The following DIDO1 variants were observed in gnomAD, a reference collection of about 807,000 sequenced individuals.
DIDO1 encodes the protein death-inducer obliterator 1.
A neutral mutation model predicts 99.4 loss-of-function variants in DIDO1; 16 were observed. That is an observed-to-expected ratio of 0.16 (90% CI 0.11 to 0.24). The LOEUF (loss-of-function observed/expected upper bound fraction) is 0.24, where lower values mean the gene tolerates loss of function less well. DIDO1 is among the 10% of genes least tolerant of loss of function. The probability of loss-of-function intolerance (pLI) is 1.00; values close to 1 mark genes in which losing one functional copy is unlikely to be tolerated. For synonymous variants in DIDO1, 1,366 were observed against 1,239.1 expected (o/e 1.10, Z -2.15); for missense variants, 2,996 against 3,014.0 (o/e 0.99, Z 0.14).
At chr20:62,921,901 ATCCACAATATATATACACTATATATG>A (rs1568884910) in intron 1 of DIDO1, among the ~76,000 whole-genome samples, 8 of 149,666 alleles carry the variant, frequency 5.3e-5, no homozygotes, top group East Asian at 1.9e-4. Context: ...CTATATATAT[ATCCACAATATATATACACTATATATG>A]TCCAAAATAT....
At chr20:62,931,177 C>T (rs1201308126), upstream of DIDO1, among the ~76,000 whole-genome samples, 1 of 152,108 alleles carries the variant, frequency 6.6e-6, no homozygotes, top group Non-Finnish European at 1.5e-5. Context: ...CAGGGATCCA[C>T]TCGCCTCTGC....
chr20:62,905,215 G>A (rs1167509733), intron 6 of DIDO1: 25 of 1,173,296 alleles, frequency 2.1e-5, no homozygotes, highest in African/African-American at 1.4e-4. Context: ...CAAGGCACGC[G>A]TCCTGCGGTC....
chr20:62,903,350 G>A (rs186857614), intron 6 of DIDO1, among the ~76,000 whole-genome samples: 1 of 152,328 alleles, frequency 6.6e-6, no homozygotes, highest in East Asian at 1.9e-4. Context: ...GGTGCACTGT[G>A]GGGAGCAGCA....
At chr20:62,886,145 G>A (rs1288069913) in intron 15 of DIDO1, among the ~76,000 whole-genome samples, 1 of 152,240 alleles carries the variant, frequency 6.6e-6, no homozygotes, top group Non-Finnish European at 1.5e-5. Flanking sequence ...GCTACTGAGG[G>A]CCTCAGTTCA....
intron 15 of DIDO1, chr20:62,887,720 C>T (rs1399817608): frequency 1.0e-6 from 1 of 985,366 alleles, no homozygotes; most frequent in African/African-American, 1.7e-5. Context: ...GAGCTTTCAA[C>T]CTGACTCATC....
At chr20:62,898,711 A>G (rs1290322599) in intron 6 of DIDO1, among the ~76,000 whole-genome samples, 1 of 152,232 alleles carries the variant, frequency 6.6e-6, no homozygotes, top group Admixed American at 6.5e-5. Context: ...CCGCACCCCA[A>G]AACACTCATT....
intron 15 of DIDO1, among the ~76,000 whole-genome samples, chr20:62,886,873 GGAA>G (rs1263139064): frequency 6.6e-6 from 1 of 152,162 alleles, no homozygotes; most frequent in Non-Finnish European, 1.5e-5. Context: ...AATTAAGGTG[GGAA>G]GAAGTGACTT....
intron 1 of DIDO1, among the ~76,000 whole-genome samples, chr20:62,919,547 GA>G (rs961675959): frequency 4.3e-4 from 60 of 139,106 alleles, no homozygotes; most frequent in East Asian, 8.4e-4. Context: ...TCTCAAAGAA[GA>G]AAAAAAAAAA....
rs762964477 is a variant in DIDO1, at chr20:62,911,619, C to A, written c.-2-5G>T. The A allele has an allele frequency of 1.3e-5, 20 of 1,552,686 alleles. No individual in the cohort carries two copies. The highest frequency in any genetic ancestry group is 1.7e-5 in the Non-Finnish European group (19 of 1,147,790). ...GGTCGCCTTTGTCGTCCATACCTAG[C>A]GGTAAAGTGTAAGCACATAGTGACC... On this transcript the variant is annotated splice_polypyrimidine_tract_variant and splice_region_variant and intron_variant, in intron 2 of 15. Transcript: ENST00000395343. The surrounding 1 kb of genome is among the most constrained non-coding windows in gnomAD (Gnocchi z 7.0).
At chr20:62,890,911 G>A (rs1192516578) in intron 15 of DIDO1, 49 bp downstream of exon 15, 2 of 1,612,156 alleles carry the variant, frequency 1.2e-6, no homozygotes, top group Non-Finnish European at 1.7e-6. Context: ...TGGGAGGAGG[G>A]GTGCAGGTGC....
chr20:62,907,078 AC>A (rs2064823366), intron 5 of DIDO1, 68 bp downstream of exon 5: 1 of 1,548,820 alleles, frequency 6.5e-7, no homozygotes, highest in Non-Finnish European at 8.9e-7. Flanking sequence ...CTACAAACCA[AC>A]AGTTCTGCGA....
Position 62,881,748 on chromosome 20 carries a change from T to C in DIDO1, c.4208A>G (p.Glu1403Gly). ...TTCCACCTCGTGGCGCCGCCCTCGC[T>C]CCACAAGCTGAGTGTCGAAGGCCCT... ...PERAFDTQLV[E>G]RGRRHEVERA... Residue 1403 changes from glutamate (E) to glycine (G), a missense_variant, in exon 16 of 16, where the codon GAG becomes GGG. Glu to Gly is a moderately conservative substitution (Grantham distance 98). This residue lies in a region of DIDO1 where 1,562 missense variants were observed against 1,412.6 expected (regional missense o/e 1.11). Transcript: ENST00000395343. This position sits in a 1 kb window ranked among gnomAD's most constrained non-coding sequence, Gnocchi z 8.3. 6.2e-7 allele frequency: 1 copy of C among 1,613,138 alleles called. No homozygotes were observed. Among genetic ancestry groups the C allele is most frequent in the Non-Finnish European group, 8.5e-7 (1 of 1,180,012 alleles).
Position 62,911,236 on chromosome 20 carries a change from T to G in DIDO1, c.377A>C (p.Gln126Pro). The change falls in exon 3 of 16, where the codon CAG becomes CCG. Residue 126 changes from glutamine (Q) to proline (P), a missense_variant. Gln to Pro is a moderately conservative substitution (Grantham distance 76). Around this residue, in one of 5 missense-constraint regions of DIDO1, gnomAD observed 388 missense variants for 376.6 expected, o/e 1.03. Coordinates refer to ENST00000395343, the MANE Select transcript of DIDO1 (RefSeq NM_001193369.2). The surrounding 1 kb of genome is among the most constrained non-coding windows in gnomAD (Gnocchi z 7.0). ...TTCCTTCACAGCTGTGGAAGCAGACTGGGGGCCGCTTCTGGTCTCAGAAGC... is the reference window on the plus strand; with the variant it reads ...TTCCTTCACAGCTGTGGAAGCAGACGGGGGGCCGCTTCTGGTCTCAGAAGC... ...ESASETRSGP[Q>P]SASTAVKERP... 1 of 1,613,464 alleles carries G rather than the reference T, an allele frequency of 6.2e-7. No individual in the cohort carries two copies. The highest frequency in any genetic ancestry group is 8.5e-7 in the Non-Finnish European group (1 of 1,180,018).
intron 4 of DIDO1, among the ~76,000 whole-genome samples, chr20:62,907,790 G>C (rs1045775968): frequency 6.6e-6 from 1 of 152,204 alleles, no homozygotes; most frequent in East Asian, 1.9e-4. Flanking sequence ...AAAGGAACTG[G>C]GTCTTTCATG....
At chr20:62,905,718 G>A (rs1305381553) in intron 6 of DIDO1, 169 bp downstream of exon 6, 2 of 1,607,514 alleles carry the variant, frequency 1.2e-6, no homozygotes, top group Non-Finnish European at 1.7e-6. Context: ...TGGACACAGG[G>A]CAGCAGGAGG....
rs148959689 is a variant in DIDO1, at chr20:62,925,456, C to G, written c.-200+983G>C. Among the ~76,000 whole-genome samples, 121 of 152,308 alleles carry G rather than the reference C, an allele frequency of 7.9e-4. 1 individual carries two copies. Among genetic ancestry groups the G allele is most frequent in the African/African-American group, 2.8e-3 (117 of 41,540 alleles). On this transcript the variant is annotated intron_variant, in intron 1 of 15. Transcript: ENST00000395343. Reference sequence around the variant, plus strand: ...ATACCGAAAAGACGTTCCCATCTGCCTTTCCCTCCTCTAAGTCCCTGAGTA... The same window carrying G: ...ATACCGAAAAGACGTTCCCATCTGCGTTTCCCTCCTCTAAGTCCCTGAGTA...
Position 62,881,211 on chromosome 20 carries a change from G to T in DIDO1, c.4745C>A (p.Ser1582Ter). The change falls in exon 16 of 16, where the codon TCG becomes TAG. Residue 1582 changes from serine to a stop codon, truncating the protein, a stop_gained. Coordinates refer to ENST00000395343, the MANE Select transcript of DIDO1 (RefSeq NM_001193369.2). LOFTEE classifies it low-confidence loss of function (END_TRUNC). The surrounding 1 kb of genome is among the most constrained non-coding windows in gnomAD (Gnocchi z 8.3). ...CAGGGCACCCTGGGCACCACGTGCC[G>T]AGAGCCTGGAGAGAGGCTCCCCCTC... ...EGEGEPLSRLSARGAQGALPE... is the reference protein window; with the variant it reads ...EGEGEPLSRL 6.2e-7 allele frequency: 1 copy of T among 1,604,352 alleles called. No individual in the cohort carries two copies.
upstream of DIDO1, among the ~76,000 whole-genome samples, chr20:62,927,015 G>A (rs2065268633): frequency 6.6e-6 from 1 of 152,068 alleles, no homozygotes; most frequent in Non-Finnish European, 1.5e-5. Context: ...GCAGCGAGGG[G>A]CGAGGTCCAG....
At position 62,881,456 on chromosome 20, in the gene DIDO1, G is replaced by A. The variant is rs1416207606; in HGVS notation, c.4500C>T (p.Leu1500=). The change falls in exon 16 of 16, where the codon CTC becomes CTT. Residue 1500 remains leucine (L), a synonymous_variant. Coordinates refer to ENST00000395343, the MANE Select transcript of DIDO1 (RefSeq NM_001193369.2). The surrounding 1 kb of genome is among the most constrained non-coding windows in gnomAD (Gnocchi z 8.3). ...CCCCGACGGCGGCCCTCTGCTGCCT[G>A]AGAGCTTCTTCTTGCTCCTCCAGCT... ...KRQLEEQEEA[L]RQQRAAVGVS... The A allele has an allele frequency of 6.2e-7, 1 of 1,609,560 alleles. No homozygotes were observed. Among genetic ancestry groups the A allele is most frequent in the Non-Finnish European group, 8.5e-7 (1 of 1,179,970 alleles).
Sources: gnomAD v4.1 joint callset for allele counts (sites outside exome capture counted in the v4.1 genomes callset) on GRCh38, gnomAD v4.1.1 for gene constraint, gnomAD v4.1.1 regional missense constraint, Gnocchi (gnomAD v3.1) non-coding constraint, MANE v1.5 for transcripts, NCBI Gene and HGNC (gene_info 2026-07-23, HGNC 2026-07-21) for gene names.